Variants in BICRA observed in about 807,000 individuals in gnomAD.
BICRA encodes the protein BRD4 interacting chromatin remodeling complex associated protein, also known as BRD4-interacting chromatin-remodeling complex-associated protein.
BICRA carries 31 observed loss-of-function variants against 96.9 expected under a neutral mutation model. The ratio of observed to expected loss-of-function variants is 0.32; its 90% CI spans 0.24 to 0.43. The LOEUF (loss-of-function observed/expected upper bound fraction) is 0.43. BICRA is among the 20% of genes least tolerant of loss of function. BICRA has a pLI of 1.00. For synonymous variants in BICRA, 1,350 were observed against 1,071.8 expected (o/e 1.26, Z -5.07); for missense variants, 2,283 against 2,190.3 (o/e 1.04, Z -0.84).
chr19:47,664,928 A>G (rs1284758928), intron 1 of BICRA, among the ~76,000 whole-genome samples: 1 of 152,118 alleles, frequency 6.6e-6, no homozygotes, highest in Non-Finnish European at 1.5e-5. Context: ...GGGGCAGCGG[A>G]CAGATGGTTA....
chr19:47,617,725 C>T (rs1160101618), intron 1 of BICRA, among the ~76,000 whole-genome samples: 1 of 151,688 alleles, frequency 6.6e-6, no homozygotes, highest in Non-Finnish European at 1.5e-5. Context: ...ATAGCACAAC[C>T]ACCCCTGTGT....
intron 7 of BICRA, among the ~76,000 whole-genome samples, chr19:47,686,965 A>G (rs903458700): frequency 6.6e-6 from 1 of 152,258 alleles, no homozygotes; most frequent in East Asian, 1.9e-4. Context: ...TGAGGGTTAA[A>G]TAAACTAATA....
chr19:47,640,405 C>T (rs1210073709), intron 1 of BICRA, among the ~76,000 whole-genome samples: 1 of 151,974 alleles, frequency 6.6e-6, no homozygotes, highest in Non-Finnish European at 1.5e-5. Flanking sequence ...TGGTGTGTGC[C>T]TGTAATCCCA....
chr19:47,647,543 A>G (rs1442344925), intron 1 of BICRA, among the ~76,000 whole-genome samples: 2 of 152,048 alleles, frequency 1.3e-5, no homozygotes, highest in Non-Finnish European at 2.9e-5. Context: ...GCTATGCATA[A>G]AGTTGGGATT....
chr19:47,698,788 G>A lies in BICRA; in HGVS notation c.3397+6G>A, dbSNP rs893974597. ...CCCCAGTGACTACCACAAAGGTGAG[G>A]CCTCCCCAGGACACGGCCCTATATG... On this transcript the variant is annotated splice_donor_region_variant and intron_variant, in intron 12 of 14. Coordinates refer to ENST00000594866, the MANE Select transcript of BICRA (RefSeq NM_001394372.1). This position sits in a 1 kb window ranked among gnomAD's most constrained non-coding sequence, Gnocchi z 4.8. 6.3e-7 allele frequency: 1 copy of A among 1,595,514 alleles called. No individual in the cohort carries two copies. Among genetic ancestry groups the A allele is most frequent in the African/African-American group, 1.3e-5 (1 of 74,592 alleles).
intron 1 of BICRA, among the ~76,000 whole-genome samples, chr19:47,634,636 C>T (rs1478624399): frequency 1.3e-5 from 2 of 152,050 alleles, no homozygotes; most frequent in South Asian, 2.1e-4. Flanking sequence ...ACAAACAAAG[C>T]CTGCTTCTCT....
At chr19:47,615,056 C>T (rs1971963045) in intron 1 of BICRA, among the ~76,000 whole-genome samples, 1 of 152,192 alleles carries the variant, frequency 6.6e-6, no homozygotes, top group Admixed American at 6.5e-5. Flanking sequence ...CATCACTTTT[C>T]ACTGCAGCAT....
intron 6 of BICRA, 146 bp downstream of exon 6, chr19:47,681,422 C>A: frequency 1.3e-6 from 1 of 751,512 alleles, no homozygotes; most frequent in South Asian, 1.7e-5. Flanking sequence ...CAGGTGGCCC[C>A]TAAGAGGAGG....
At chr19:47,627,740 A>T (rs1014329227) in intron 1 of BICRA, among the ~76,000 whole-genome samples, 16 of 152,156 alleles carry the variant, frequency 1.1e-4, no homozygotes, top group Non-Finnish European at 2.4e-4. Flanking sequence ...CCTACCGAGT[A>T]GGATGAGTGG....
rs1973488489 is a variant in BICRA at position 47,702,738 on chromosome 19, AG to A, written c.*326del. The stretch of plus-strand genomic sequence containing the variant: ...CGGGGGACACGCGCATGTGTTTGCC[AG>A]GGATGGGGCCACCGGGTTGATGCCA... On this transcript the variant is annotated 3_prime_UTR_variant, in exon 15 of 15. Coordinates refer to ENST00000594866, the MANE Select transcript of BICRA (RefSeq NM_001394372.1). 2 of 371,890 alleles carry A rather than the reference AG, an allele frequency of 5.4e-6. No individual in the cohort carries two copies. Among genetic ancestry groups the A allele is most frequent in the Non-Finnish European group, 9.6e-6 (2 of 207,496 alleles). 23.0% of individuals were successfully genotyped at this position (371,890 alleles called of 1,614,324 possible).
At chr19:47,652,539 A>G (rs1056764276) in intron 1 of BICRA, among the ~76,000 whole-genome samples, 2 of 152,154 alleles carry the variant, frequency 1.3e-5, no homozygotes, top group Non-Finnish European at 2.9e-5. Context: ...CATCTTGGAA[A>G]GCAGCCAAGG....
chr19:47,620,074 T>C (rs1972042738), intron 1 of BICRA, among the ~76,000 whole-genome samples: 1 of 152,196 alleles, frequency 6.6e-6, no homozygotes, highest in African/African-American at 2.4e-5. Context: ...GTTGAGCATC[T>C]TCGGCTCAGC....
chr19:47,623,186 G>T lies in BICRA; in HGVS notation c.-108+14018G>T, dbSNP rs115194054. On this transcript the variant is annotated intron_variant, in intron 1 of 14. Coordinates refer to ENST00000594866, the MANE Select transcript of BICRA (RefSeq NM_001394372.1). The stretch of plus-strand genomic sequence containing the variant: ...TATTTTCATTCCCCTCCCCGTCAGC[G>T]ACCTCCTGTGCTGGAGTGAATTGCT... Among the ~76,000 whole-genome samples, 495 of 151,866 alleles carry T rather than the reference G, an allele frequency of 3.3e-3. 3 individuals are homozygous for T. The highest frequency in any genetic ancestry group is 0.012 in the African/African-American group (476 of 41,380).
chr19:47,649,009 A>G (rs1000822314), intron 1 of BICRA, among the ~76,000 whole-genome samples: 2 of 151,590 alleles, frequency 1.3e-5, no homozygotes, highest in African/African-American at 4.9e-5. Flanking sequence ...CCACCACCAC[A>G]CCTGGCTAAT....
At position 47,690,841 on chromosome 19, in the gene BICRA, A is replaced by AT. The variant is rs1973231395; in HGVS notation, c.2284-3267dup. On this transcript the variant is annotated intron_variant, in intron 7 of 14. Coordinates refer to ENST00000594866, the MANE Select transcript of BICRA (RefSeq NM_001394372.1). Reference sequence around the variant, plus strand: ...GCACTTTTGATGAGAATGAAATTAAATTTTTTTAATTTTTTGGTATCTTTA... The same window carrying AT: ...GCACTTTTGATGAGAATGAAATTAAATTTTTTTTAATTTTTTGGTATCTTTA... Among the ~76,000 whole-genome samples the AT allele has an allele frequency of 2.0e-5, 3 of 151,958 alleles. No individual in the cohort carries two copies. In the South Asian group the frequency reaches 6.2e-4, roughly 31 times the overall value.
At chr19:47,672,062 TGGAG>T (rs1224733589) in intron 2 of BICRA, among the ~76,000 whole-genome samples, 1 of 123,784 alleles carries the variant, frequency 8.1e-6, no homozygotes, top group Non-Finnish European at 1.7e-5. Context: ...GATGGAAGGA[TGGAG>T]GGATGGGTGG....
chr19:47,680,220 C>T lies in BICRA; in HGVS notation c.1050C>T (p.Pro350=). ...PNVILHRTPT[P]IQPKPAGVLP... Reference sequence around the variant, plus strand: ...TGATCCTGCATCGCACACCCACGCCCATCCAGCCCAAGCCCGCGGGGGTGC... The same window carrying T: ...TGATCCTGCATCGCACACCCACGCCTATCCAGCCCAAGCCCGCGGGGGTGC... Residue 350 remains proline, a synonymous_variant, in exon 6 of 15, where the codon CCC becomes CCT. Transcript: ENST00000594866. 6.4e-7 allele frequency: 1 copy of T among 1,559,746 alleles called. No homozygotes were observed. The highest frequency in any genetic ancestry group is 8.6e-7 in the Non-Finnish European group (1 of 1,161,604).
chr19:47,650,676 T>G (rs1347927946), intron 1 of BICRA, among the ~76,000 whole-genome samples: 1 of 152,186 alleles, frequency 6.6e-6, no homozygotes, highest in Non-Finnish European at 1.5e-5. Flanking sequence ...ACTTCAGTAT[T>G]TCTCCTTCTC....
chr19:47,644,465 C>T (rs1003205574), intron 1 of BICRA, among the ~76,000 whole-genome samples: 10 of 141,332 alleles, frequency 7.1e-5, no homozygotes, highest in African/African-American at 2.4e-4. Context: ...CTTCCCCTCC[C>T]CTTTCCCTAC....
Sources: allele counts gnomAD v4.1 joint callset (sites outside exome capture counted in the v4.1 genomes callset), GRCh38; gene constraint gnomAD v4.1.1; non-coding constraint Gnocchi (gnomAD v3.1); transcripts MANE v1.5; gene names NCBI Gene and HGNC (gene_info 2026-07-23, HGNC 2026-07-21).